EPB41L3: variants seen among roughly 807,000 people sequenced by gnomAD.
EPB41L3 encodes the protein band 4.1-like protein 3.
EPB41L3 carries 57 observed loss-of-function variants against 127.1 expected under a neutral mutation model. The ratio of observed to expected loss-of-function variants is 0.45; its 90% CI spans 0.36 to 0.56. EPB41L3 has a LOEUF of 0.56. Ranked by LOEUF, EPB41L3 falls within the 20% of genes least tolerant of loss-of-function variation. The pLI is 0.00. For missense variants in EPB41L3, 1,273 were observed against 1,372.2 expected, an observed-to-expected ratio of 0.93 and a Z score of 1.14; for synonymous variants, 572 against 549.5, an observed-to-expected ratio of 1.04 and a Z score of -0.57.
intron 1 of EPB41L3, among the ~76,000 whole-genome samples, chr18:5,536,516 A>T (rs936436520): frequency 6.9e-6 from 1 of 144,926 alleles, no homozygotes; most frequent in South Asian, 2.2e-4. Flanking sequence ...AAAAAAAAAA[A>T]TTTGGCCTGG....
intron 9 of EPB41L3, among the ~76,000 whole-genome samples, chr18:5,428,048 C>T (rs1454058551): frequency 5.3e-5 from 8 of 152,178 alleles, no homozygotes; most frequent in Admixed American, 5.2e-4. Flanking sequence ...AGCCACCGCA[C>T]CCGGCCGAGA....
intron 5 of EPB41L3, among the ~76,000 whole-genome samples, chr18:5,439,106 C>G (rs749135311): frequency 4.6e-5 from 7 of 151,992 alleles, no homozygotes; most frequent in Non-Finnish European, 8.8e-5. Context: ...CATATTTGTT[C>G]CCTCTACCCA....
chr18:5,600,065 G>T (rs1308579220), intron 3 of EPB41L3, among the ~76,000 whole-genome samples: 1 of 152,194 alleles, frequency 6.6e-6, no homozygotes, highest in African/African-American at 2.4e-5. Context: ...GAATCTTAAG[G>T]CTGGATTCAA....
chr18:5,397,346 C>A lies in EPB41L3; in HGVS notation c.2553G>T (p.Val851=). The A allele has an allele frequency of 6.2e-7, 1 of 1,614,060 alleles. No homozygotes were observed. The highest frequency in any genetic ancestry group is 8.5e-7 in the Non-Finnish European group (1 of 1,180,042). ...CCTCCACCAACACGGTCTCCTGCAC[C>A]ACCTTCTCAGTGCTAAGCGGCAGGT... ...VHHLPLSTEK[V]VQETVLVEER... is the part of the protein sequence containing the mutation. Residue 851 remains valine, a synonymous_variant, in exon 18 of 23, where the codon GTG becomes GTT. Transcript: ENST00000341928. The surrounding 1 kb of genome is among the most constrained non-coding windows in gnomAD (Gnocchi z 4.1).
At chr18:5,564,629 G>GGAAGATGA (rs2149223171) in intron 3 of EPB41L3, among the ~76,000 whole-genome samples, 1 of 152,256 alleles carries the variant, frequency 6.6e-6, no homozygotes, top group South Asian at 2.1e-4. Context: ...GAAATCAGAA[G>GGAAGATGA]GAAGATGAGC....
chr18:5,487,492 CA>C (rs2089960135), intron 2 of EPB41L3, among the ~76,000 whole-genome samples: 1 of 150,752 alleles, frequency 6.6e-6, no homozygotes, highest in African/African-American at 2.4e-5. Context: ...TATTTTACCT[CA>C]AATTTTTTTT....
intron 1 of EPB41L3, among the ~76,000 whole-genome samples, chr18:5,510,473 T>A (rs1165579841): frequency 6.6e-6 from 1 of 152,192 alleles, no homozygotes; most frequent in Non-Finnish European, 1.5e-5. Context: ...CAGGCAGGGC[T>A]GGGTAATTGT....
chr18:5,453,842 T>C (rs1327721354), intron 3 of EPB41L3, among the ~76,000 whole-genome samples: 1 of 152,228 alleles, frequency 6.6e-6, no homozygotes, highest in African/African-American at 2.4e-5. Flanking sequence ...GACAAGAATT[T>C]CAAGAAAGAA....
rs2078513091 is a variant in EPB41L3 at position 5,428,308 on chromosome 18, C to T, written c.1065+5G>A. ...CAACGCACAGGCAAATGTGGGTATACTTACCTCTCCCGGCCGGATCTTAAT... is the reference window on the plus strand; with the variant it reads ...CAACGCACAGGCAAATGTGGGTATATTTACCTCTCCCGGCCGGATCTTAAT... On this transcript the variant is annotated splice_donor_5th_base_variant and intron_variant, in intron 9 of 22. Coordinates refer to ENST00000341928, the MANE Select transcript of EPB41L3 (RefSeq NM_012307.5). The T allele has an allele frequency of 6.2e-7, 1 of 1,613,920 alleles. No individual in the cohort carries two copies. Among genetic ancestry groups the T allele is most frequent in the Admixed American group, 1.7e-5 (1 of 60,002 alleles).
chr18:5,416,394 CAGAA>C lies in EPB41L3; in HGVS notation c.1507-20_1507-17del, dbSNP rs773423711. The C allele has an allele frequency of 2.3e-5, 37 of 1,585,052 alleles. No homozygotes were observed. Among genetic ancestry groups the C allele is most frequent in the South Asian group, 2.3e-4 (20 of 87,636 alleles). ...GCCCAGGTGACTGATGTGAAAGAGA[CAGAA>C]AGAGACAGAAAGCAGCAAACAGAGG... On this transcript the variant is annotated splice_polypyrimidine_tract_variant and intron_variant, in intron 12 of 22. Transcript: ENST00000341928.
chr18:5,481,633 C>T (rs947774293), intron 2 of EPB41L3, among the ~76,000 whole-genome samples: 1 of 152,130 alleles, frequency 6.6e-6, no homozygotes, highest in Non-Finnish European at 1.5e-5. Flanking sequence ...GATGGGACCA[C>T]CACCCCAGTC....
At chr18:5,532,209 G>A (rs891601192) in intron 1 of EPB41L3, among the ~76,000 whole-genome samples, 1 of 152,074 alleles carries the variant, frequency 6.6e-6, no homozygotes, top group African/African-American at 2.4e-5. Context: ...CAAGTCTCTG[G>A]GCTCTGATTA....
At chr18:5,435,874 C>T (rs1395203166) in intron 6 of EPB41L3, among the ~76,000 whole-genome samples, 1 of 152,140 alleles carries the variant, frequency 6.6e-6, no homozygotes, top group Non-Finnish European at 1.5e-5. Context: ...CACAATTTCT[C>T]CTGTTTTCAG....
At chr18:5,492,786 A>G (rs2090747447) in intron 1 of EPB41L3, among the ~76,000 whole-genome samples, 2 of 152,190 alleles carry the variant, frequency 1.3e-5, no homozygotes, top group East Asian at 3.8e-4. Flanking sequence ...CAAATCCTAA[A>G]AGTTGGGGTA....
chr18:5,532,728 G>A (rs2093449800), intron 1 of EPB41L3, among the ~76,000 whole-genome samples: 1 of 152,162 alleles, frequency 6.6e-6, no homozygotes, highest in Non-Finnish European at 1.5e-5. Flanking sequence ...GGTTTGAGTA[G>A]AGAAGACCTG....
chr18:5,535,899 T>C (rs1478844168), intron 1 of EPB41L3, among the ~76,000 whole-genome samples: 1 of 152,186 alleles, frequency 6.6e-6, no homozygotes, highest in East Asian at 1.9e-4. Flanking sequence ...CAGAGAGAGA[T>C]CAAAGGAAGC....
At chr18:5,620,954 T>A (rs1417951114) in intron 1 of EPB41L3, among the ~76,000 whole-genome samples, 1 of 152,138 alleles carries the variant, frequency 6.6e-6, no homozygotes. Flanking sequence ...GCCTATTTGA[T>A]CAATTTTAAA....
chr18:5,550,068 A>G (rs191919275), intron 3 of EPB41L3, among the ~76,000 whole-genome samples: 89 of 152,336 alleles, frequency 5.8e-4, no homozygotes, highest in African/African-American at 2.1e-3. Flanking sequence ...CCTATTTATT[A>G]AAGATTGCAG....
Position 5,423,493 on chromosome 18 carries a change from A to G in EPB41L3, c.1224T>C (p.Tyr408=). The change falls in exon 11 of 23, where the codon TAT becomes TAC. Residue 408 remains tyrosine (Y), a synonymous_variant. Coordinates refer to ENST00000341928, the MANE Select transcript of EPB41L3 (RefSeq NM_012307.5). ...TCGTTTGCGCTTGTGTCCTGCCACT[A>G]TAACGAAACTTGGAACCCAAGGTTA... ...KFLTLGSKFR[Y]SGRTQAQTRR... The G allele has an allele frequency of 6.2e-7, 1 of 1,613,758 alleles. No homozygotes were observed. The highest frequency in any genetic ancestry group is 1.6e-4 in the Middle Eastern group (1 of 6,062).
Sources: gnomAD v4.1 joint callset for allele counts (sites outside exome capture counted in the v4.1 genomes callset) on GRCh38, gnomAD v4.1.1 for gene constraint, Gnocchi (gnomAD v3.1) non-coding constraint, MANE v1.5 for transcripts, NCBI Gene and HGNC (gene_info 2026-07-23, HGNC 2026-07-21) for gene names.